Variants in CDH12 observed in about 807,000 individuals in gnomAD.
CDH12 encodes cadherin 12.
A neutral mutation model predicts 74.1 loss-of-function variants in CDH12; 41 were observed. That is an observed-to-expected ratio of 0.55 (90% CI 0.43 to 0.72). The LOEUF is 0.72. Among genes scored for constraint, CDH12 ranks in the 30% least tolerant of loss-of-function variants. The probability of loss-of-function intolerance (pLI) is 0.00; values close to 1 mark genes in which losing one functional copy is unlikely to be tolerated. For synonymous variants in CDH12, 399 were observed against 355.0 expected (o/e 1.12, Z -1.39); for missense variants, 945 against 977.2 (o/e 0.97, Z 0.44).
At chr5:22,043,853 CTAAG>C (rs1561051774) in intron 5 of CDH12, among the ~76,000 whole-genome samples, 1 of 151,978 alleles carries the variant, frequency 6.6e-6, no homozygotes, top group African/African-American at 2.4e-5. Flanking sequence ...ACTACAAATA[CTAAG>C]TAACACAGGA....
At chr5:22,070,299 A>G (rs950202609) in intron 5 of CDH12, among the ~76,000 whole-genome samples, 4 of 152,160 alleles carry the variant, frequency 2.6e-5, no homozygotes, top group Non-Finnish European at 5.9e-5. Flanking sequence ...TGCTAGAAGT[A>G]TGACCTTGTT....
At chr5:22,153,858 G>A (rs7723211) in intron 4 of CDH12, among the ~76,000 whole-genome samples, 1,597 of 103,238 alleles carry the variant, frequency 0.015, 47 homozygotes, top group African/African-American at 0.057. Context: ...ATGTGTGTGT[G>A]TATATATATA....
At chr5:21,807,828 T>C (rs1404268768) in intron 9 of CDH12, among the ~76,000 whole-genome samples, 1 of 152,088 alleles carries the variant, frequency 6.6e-6, no homozygotes, top group African/African-American at 2.4e-5. Context: ...CATAAACTTA[T>C]TAAGTTTAAT....
intron 14 of CDH12, among the ~76,000 whole-genome samples, chr5:21,753,803 T>C (rs556533598): frequency 3.5e-4 from 54 of 152,322 alleles, no homozygotes; most frequent in Admixed American, 2.0e-3. Flanking sequence ...ATGATAAAGA[T>C]GACCTGAGCA....
chr5:22,367,182 G>A (rs924939503), intron 3 of CDH12, among the ~76,000 whole-genome samples: 1 of 151,768 alleles, frequency 6.6e-6, no homozygotes, highest in Non-Finnish European at 1.5e-5. Flanking sequence ...CCTCTGAAAG[G>A]CATCTCCTTC....
chr5:21,805,005 A>G (rs74535654), intron 9 of CDH12, among the ~76,000 whole-genome samples: 1,937 of 152,270 alleles, frequency 0.013, 45 homozygotes, highest in African/African-American at 0.044. Flanking sequence ...GTTAAACAAT[A>G]TAAGTGGTCT....
At chr5:22,454,012 A>G (rs1745169104) in intron 2 of CDH12, among the ~76,000 whole-genome samples, 1 of 152,160 alleles carries the variant, frequency 6.6e-6, no homozygotes, top group South Asian at 2.1e-4. Context: ...TATAATAAGT[A>G]AAAAATGGAG....
At chr5:22,463,186 T>C (rs772056164) in intron 2 of CDH12, among the ~76,000 whole-genome samples, 1 of 152,186 alleles carries the variant, frequency 6.6e-6, no homozygotes, top group Non-Finnish European at 1.5e-5. Flanking sequence ...TAACCAACAC[T>C]GTCAACAATT....
At chr5:22,531,495 G>A (rs566838355) in intron 1 of CDH12, among the ~76,000 whole-genome samples, 1 of 152,066 alleles carries the variant, frequency 6.6e-6, no homozygotes, top group South Asian at 2.1e-4. Flanking sequence ...TTAATATATT[G>A]CACCTTAACC....
At chr5:22,292,987 C>T (rs1048382269) in intron 3 of CDH12, among the ~76,000 whole-genome samples, 1 of 148,830 alleles carries the variant, frequency 6.7e-6, no homozygotes. Context: ...CTGTTCCCAA[C>T]TTGTAACCCA....
rs369033220 is a variant in CDH12, at chr5:22,838,651, CTGTGTGTGTGTG to C, written c.-523+14395_-523+14406del. 9.4e-4 allele frequency among the ~76,000 whole-genome samples: 136 copies of C among 143,952 alleles called. 1 individual carries two copies. The East Asian group carries it at 0.02, about 21-fold the overall frequency. 94.4% of individuals were successfully genotyped at this position (143,952 alleles called of 152,430 possible). ...TCTTAAAATGGGTGTGTGAGAGTGT[CTGTGTGTGTGTG>C]TGTGTGTGTGTGTGTGTGTGTGTGT... On this transcript the variant is annotated intron_variant, in intron 1 of 14. Coordinates refer to ENST00000382254, the MANE Select transcript of CDH12 (RefSeq NM_004061.5).
At chr5:22,112,246 T>C (rs1744858834) in intron 4 of CDH12, among the ~76,000 whole-genome samples, 1 of 152,188 alleles carries the variant, frequency 6.6e-6, no homozygotes, top group Admixed American at 6.5e-5. Flanking sequence ...AAGCCTGGGA[T>C]GCTTTTTCCC....
At chr5:22,466,774 A>ATTT (rs1745744738) in intron 2 of CDH12, among the ~76,000 whole-genome samples, 3 of 96,224 alleles carry the variant, frequency 3.1e-5, no homozygotes, top group Admixed American at 1.2e-4. Context: ...CTCCTCAGGA[A>ATTT]TCTTTTTTTT....
At chr5:21,973,521 A>G (rs1179210837) in intron 6 of CDH12, among the ~76,000 whole-genome samples, 1 of 152,180 alleles carries the variant, frequency 6.6e-6, no homozygotes, top group Non-Finnish European at 1.5e-5. Flanking sequence ...CCTAGTTATT[A>G]TAGTTGGCAC....
intron 4 of CDH12, among the ~76,000 whole-genome samples, chr5:22,181,614 C>T (rs1042943710): frequency 4.6e-5 from 7 of 152,182 alleles, no homozygotes; most frequent in Non-Finnish European, 7.4e-5. Context: ...TATTCACATG[C>T]ACTTAACAAT....
intron 2 of CDH12, among the ~76,000 whole-genome samples, chr5:22,449,450 G>A (rs1317943201): frequency 6.6e-6 from 1 of 151,932 alleles, no homozygotes; most frequent in Non-Finnish European, 1.5e-5. Flanking sequence ...AAGAGTGGGA[G>A]TGCCATATCC....
intron 5 of CDH12, among the ~76,000 whole-genome samples, chr5:22,055,946 A>T (rs1740709488): frequency 6.6e-6 from 1 of 152,150 alleles, no homozygotes; most frequent in African/African-American, 2.4e-5. Flanking sequence ...ACATAGTCAT[A>T]AATAATACTT....
intron 5 of CDH12, among the ~76,000 whole-genome samples, chr5:22,059,354 T>G (rs1741014698): frequency 9.1e-6 from 1 of 110,376 alleles, no homozygotes; most frequent in African/African-American, 5.7e-5. Flanking sequence ...TATCTATCTA[T>G]CTATCTATCT....
At chr5:22,155,979 T>C (rs1257664639) in intron 4 of CDH12, among the ~76,000 whole-genome samples, 1 of 152,148 alleles carries the variant, frequency 6.6e-6, no homozygotes, top group African/African-American at 2.4e-5. Flanking sequence ...GAGTCTGATA[T>C]GGGAGGTTAA....
Sources: allele counts gnomAD v4.1 joint callset (sites outside exome capture counted in the v4.1 genomes callset), GRCh38; gene constraint gnomAD v4.1.1; transcripts MANE v1.5; gene names NCBI Gene and HGNC (gene_info 2026-07-23, HGNC 2026-07-21).